The following VAV3 variants were observed in gnomAD, a reference collection of about 807,000 sequenced individuals.
VAV3 encodes vav guanine nucleotide exchange factor 3, also known as guanine nucleotide exchange factor VAV3.
VAV3 carries 94 observed loss-of-function variants against 131.2 expected under a neutral mutation model. That is an observed-to-expected ratio of 0.72 (90% CI 0.61 to 0.85). The LOEUF is 0.85. VAV3 is among the 40% of genes least tolerant of loss of function. The probability of loss-of-function intolerance (pLI) is 0.00; values close to 1 mark genes in which losing one functional copy is unlikely to be tolerated. For missense variants in VAV3, 939 were observed against 1,002.7 expected (o/e 0.94, Z 0.86); for synonymous variants, 349 against 342.0 (o/e 1.02, Z -0.22).
chr1:107,905,815 G>GA (rs371744378), intron 1 of VAV3, among the ~76,000 whole-genome samples: 1 of 151,794 alleles, frequency 6.6e-6, no homozygotes, highest in Non-Finnish European at 1.5e-5. Context: ...ATTTCTAAAA[G>GA]AAAAAAGTAT....
In VAV3 at chr1:107,775,169, T is replaced by C. The variant is rs1039220669; in HGVS notation, c.446+2062A>G. ...AACCAAGGTTTTCTCCAAATTTAGC[T>C]AGGAATGCATCCTCACTGGATTTAT... On this transcript the variant is annotated intron_variant, in intron 4 of 26. Coordinates refer to ENST00000370056, the MANE Select transcript of VAV3 (RefSeq NM_006113.5). 2.4e-4 allele frequency among the ~76,000 whole-genome samples: 36 copies of C among 152,162 alleles called. 1 individual carries two copies. The highest frequency in any genetic ancestry group is 4.0e-4 in the Non-Finnish European group (27 of 68,032).
intron 19 of VAV3, among the ~76,000 whole-genome samples, chr1:107,646,158 G>A (rs923224892): frequency 3.3e-5 from 5 of 152,008 alleles, no homozygotes; most frequent in South Asian, 4.1e-4. Context: ...GCAAAGTAGC[G>A]TAAACTACAA....
intron 1 of VAV3, among the ~76,000 whole-genome samples, chr1:107,935,630 C>T (rs113686162): frequency 3.6e-4 from 55 of 152,226 alleles, no homozygotes; most frequent in Non-Finnish European, 5.6e-4. Context: ...AGAAACCATC[C>T]GTGACCTGAA....
At chr1:107,963,575 T>C (rs765188813) in intron 1 of VAV3, 2 of 152,152 alleles carry the variant, frequency 1.3e-5, no homozygotes, top group African/African-American at 4.8e-5. Context: ...GATGACTGTG[T>C]GTGCTCTAAC....
chr1:107,827,143 A>G (rs1668050886), intron 2 of VAV3, among the ~76,000 whole-genome samples: 1 of 152,158 alleles, frequency 6.6e-6, no homozygotes, highest in South Asian at 2.1e-4. Flanking sequence ...TGAACTACCT[A>G]TGACGACATT....
chr1:107,622,715 T>C (rs1298551407), intron 20 of VAV3, among the ~76,000 whole-genome samples: 1 of 152,206 alleles, frequency 6.6e-6, no homozygotes, highest in African/African-American at 2.4e-5. Context: ...TGGAGATTAC[T>C]AAGCAATTTA....
At chr1:107,632,086 T>C (rs1654543852) in intron 20 of VAV3, among the ~76,000 whole-genome samples, 1 of 152,164 alleles carries the variant, frequency 6.6e-6, no homozygotes, top group African/African-American at 2.4e-5. Flanking sequence ...TAGTTTACAG[T>C]CCCACCAACA....
At chr1:107,590,089 C>G (rs1650820300) in intron 25 of VAV3, among the ~76,000 whole-genome samples, 1 of 152,216 alleles carries the variant, frequency 6.6e-6, no homozygotes, top group African/African-American at 2.4e-5. Flanking sequence ...CAGGGAGAGA[C>G]AGCCTAGGCT....
At chr1:107,719,987 C>G (rs546106899) in intron 15 of VAV3, among the ~76,000 whole-genome samples, 4 of 152,242 alleles carry the variant, frequency 2.6e-5, no homozygotes, top group Non-Finnish European at 5.9e-5. Context: ...CATTTTCTCA[C>G]TCATCAGTAG....
At chr1:107,797,825 C>A (rs538147067) in intron 2 of VAV3, among the ~76,000 whole-genome samples, 2 of 152,302 alleles carry the variant, frequency 1.3e-5, no homozygotes, top group Admixed American at 1.3e-4. Flanking sequence ...CCTTATCCTG[C>A]ACCAATACCA....
chr1:107,945,415 T>C (rs537869275), intron 1 of VAV3, among the ~76,000 whole-genome samples: 5 of 152,328 alleles, frequency 3.3e-5, no homozygotes, highest in Admixed American at 1.3e-4. Context: ...TAGTTATTTA[T>C]ACATTCCTCC....
At chr1:107,660,947 G>A (rs960264138) in intron 19 of VAV3, among the ~76,000 whole-genome samples, 1 of 151,918 alleles carries the variant, frequency 6.6e-6, no homozygotes, top group African/African-American at 2.4e-5. Context: ...ATATGGTTGA[G>A]GGAAAAAATC....
intron 20 of VAV3, among the ~76,000 whole-genome samples, chr1:107,636,893 A>C (rs1654970809): frequency 6.6e-6 from 1 of 152,196 alleles, no homozygotes; most frequent in East Asian, 1.9e-4. Flanking sequence ...AAAAGAAAGG[A>C]AAGTACACAA....
rs529200364 is a variant in VAV3, at chr1:107,587,008, A to C, written c.2350+9204T>G. 8.4e-4 allele frequency among the ~76,000 whole-genome samples: 128 copies of C among 152,272 alleles called. 1 individual carries two copies. Among genetic ancestry groups the C allele is most frequent in the Non-Finnish European group, 1.5e-3 (99 of 68,012 alleles). On this transcript the variant is annotated intron_variant, in intron 25 of 26. Coordinates refer to ENST00000370056, the MANE Select transcript of VAV3 (RefSeq NM_006113.5). ...CTGATGATGACTTCTCAGGAGTGTT[A>C]CAGAACGTTTAAAAAAACTTGTATT...
intron 9 of VAV3, among the ~76,000 whole-genome samples, chr1:107,763,530 AATTTT>A (rs1296954741): frequency 3.3e-5 from 5 of 152,162 alleles, no homozygotes; most frequent in African/African-American, 1.2e-4. Flanking sequence ...TGTAAAATTT[AATTTT>A]ATCATCATAT....
intron 19 of VAV3, chr1:107,669,567 G>A: frequency 8.4e-7 from 1 of 1,196,814 alleles, no homozygotes; most frequent in Non-Finnish European, 1.1e-6. Context: ...GTAGCTGATG[G>A]TTGTAAATAA....
chr1:107,657,008 C>A (rs1164262677), intron 19 of VAV3, among the ~76,000 whole-genome samples: 3 of 126,452 alleles, frequency 2.4e-5, no homozygotes, highest in Non-Finnish European at 4.7e-5. Context: ...GGCTGGAGTG[C>A]AGTGGCACAA....
intron 2 of VAV3, among the ~76,000 whole-genome samples, chr1:107,856,623 C>G (rs75597571): frequency 0.011 from 1,636 of 152,210 alleles, 32 homozygotes; most frequent in African/African-American, 0.038. Flanking sequence ...ATTTTGTTCT[C>G]AAGTTTAATT....
At chr1:107,860,354 T>TTAATAGAAATGATAA (rs1557886960) in intron 2 of VAV3, among the ~76,000 whole-genome samples, 1 of 151,866 alleles carries the variant, frequency 6.6e-6, no homozygotes. Flanking sequence ...GCGGTGATTG[T>TTAATAGAAATGATAA]AGTAGTTTTC....
Sources: allele counts gnomAD v4.1 joint callset (sites outside exome capture counted in the v4.1 genomes callset), GRCh38; gene constraint gnomAD v4.1.1; transcripts MANE v1.5; gene names NCBI Gene and HGNC (gene_info 2026-07-23, HGNC 2026-07-21).